HS1BP3: variants seen among roughly 807,000 people sequenced by gnomAD.
The protein encoded by HS1BP3 is HCLS1-binding protein 3.
HS1BP3 carries 32 observed loss-of-function variants against 33.5 expected under a neutral mutation model. That is an observed-to-expected ratio of 0.95 (90% CI 0.72 to 1.28). HS1BP3 has a LOEUF of 1.28. HS1BP3 is among the 50% of genes most tolerant of loss of function. HS1BP3 has a pLI of 0.00. For synonymous variants in HS1BP3, 187 were observed against 209.2 expected (o/e 0.89, Z 0.92); for missense variants, 486 against 502.3 (o/e 0.97, Z 0.31).
At chr2:20,571,268 G>A (rs762194405) in intron 5 of HS1BP3, among the ~76,000 whole-genome samples, 1 of 152,126 alleles carries the variant, frequency 6.6e-6, no homozygotes, top group Non-Finnish European at 1.5e-5. Flanking sequence ...TGCTCCCTCT[G>A]CGTTTTTCCA....
chr2:20,615,875 T>C (rs950158808), downstream of HS1BP3, among the ~76,000 whole-genome samples: 4 of 152,144 alleles, frequency 2.6e-5, no homozygotes, highest in Non-Finnish European at 5.9e-5. Context: ...GTGAACTTAG[T>C]CCCAGATACA....
Position 20,618,944 on chromosome 2 carries a change from C to T in HS1BP3, c.*43G>A. 6.3e-7 allele frequency: 1 copy of T among 1,589,338 alleles called. No homozygotes were observed. On this transcript the variant is annotated 3_prime_UTR_variant, in exon 7 of 7. Coordinates refer to ENST00000304031, the MANE Select transcript of HS1BP3 (RefSeq NM_022460.4). ...CAGTCCCTTCCCTTCACACCGATGTCCCCACAGACAGGCCTGCTGGGCCAG... is the reference window on the plus strand; with the variant it reads ...CAGTCCCTTCCCTTCACACCGATGTTCCCACAGACAGGCCTGCTGGGCCAG...
At position 20,619,120 on chromosome 2, in the gene HS1BP3, T is replaced by A. The variant is rs758110778; in HGVS notation, c.1046A>T (p.Lys349Ile). Residue 349 changes from lysine (K) to isoleucine (I), a missense_variant, in exon 7 of 7, where the codon AAA (lysine) becomes ATA (isoleucine). Transcript: ENST00000304031. The part of the protein sequence containing the change: ...VIPRKPAVPP[K>I]AGPAEAVAGQ... ...AGCCACAGCTTCAGCCGGGCCCGCT[T>A]TGGGGGGAACAGCTGGTTTTCTGGG... is the stretch of plus-strand genomic sequence containing the variant. 7 of 1,614,130 alleles carry A rather than the reference T, an allele frequency of 4.3e-6. No individual in the cohort carries two copies. The highest frequency in any genetic ancestry group is 5.9e-6 in the Non-Finnish European group (7 of 1,179,988).
At chr2:20,564,210 C>T (rs1433844172) in intron 5 of HS1BP3, among the ~76,000 whole-genome samples, 2 of 152,206 alleles carry the variant, frequency 1.3e-5, no homozygotes, top group Admixed American at 6.5e-5. Context: ...GTCTCTCTAA[C>T]AGGTGCTTTT....
At chr2:20,634,033 C>T (rs752897012) in intron 4 of HS1BP3, among the ~76,000 whole-genome samples, 13 of 152,312 alleles carry the variant, frequency 8.5e-5, no homozygotes, top group African/African-American at 3.1e-4. Context: ...CATCCTGGCT[C>T]GTGGCCCCCA....
At chr2:20,599,651 CTG>C (rs1491135433) in intron 2 of HS1BP3, among the ~76,000 whole-genome samples, 1 of 142,814 alleles carries the variant, frequency 7.0e-6, no homozygotes, top group South Asian at 2.2e-4. Flanking sequence ...CACACACACT[CTG>C]TTTTTTTTTT....
At chr2:20,565,502 C>G (rs769941327) in intron 5 of HS1BP3, among the ~76,000 whole-genome samples, 35 of 152,224 alleles carry the variant, frequency 2.3e-4, no homozygotes, top group Non-Finnish European at 4.0e-4. Context: ...TACCCTGACC[C>G]AGGGATACCC....
At chr2:20,642,445 C>T (rs1695383405) in intron 2 of HS1BP3, among the ~76,000 whole-genome samples, 1 of 152,230 alleles carries the variant, frequency 6.6e-6, no homozygotes, top group Non-Finnish European at 1.5e-5. Flanking sequence ...TGGCTCCAGA[C>T]TTTCCTGAAA....
downstream of HS1BP3, among the ~76,000 whole-genome samples, chr2:20,590,621 C>T (rs1318671050): frequency 6.6e-6 from 1 of 152,246 alleles, no homozygotes; most frequent in African/African-American, 2.4e-5. Context: ...CTCTCATAGG[C>T]AGAGCTGGAC....
intron 6 of HS1BP3, among the ~76,000 whole-genome samples, chr2:20,621,594 A>G (rs6721558): frequency 0.76 from 116,221 of 152,212 alleles, 44,828 homozygotes; most frequent in East Asian, 0.86. Flanking sequence ...GGCATGATGC[A>G]GCCTCCATTG....
intron 1 of HS1BP3, among the ~76,000 whole-genome samples, chr2:20,648,786 C>T (rs1195291295): frequency 6.6e-6 from 1 of 152,196 alleles, no homozygotes; most frequent in Non-Finnish European, 1.5e-5. Context: ...GGGCTGTCAA[C>T]GAGCTTCTCA....
At chr2:20,643,274 G>A (rs999374195) in intron 2 of HS1BP3, among the ~76,000 whole-genome samples, 7 of 152,248 alleles carry the variant, frequency 4.6e-5, no homozygotes, top group Non-Finnish European at 8.8e-5. Context: ...ACACCCTCAT[G>A]TACACCTTGC....
rs562760572 is a variant in HS1BP3 at position 20,611,925 on chromosome 2, C to T, written c.178+11971G>A. Among the ~76,000 whole-genome samples, 3 of 152,292 alleles carry T rather than the reference C, an allele frequency of 2.0e-5. No individual in the cohort carries two copies. The highest frequency in any genetic ancestry group is 1.9e-4 in the East Asian group (1 of 5,180). ...AGCAAGCCATCAGCACCCCTTTCCA[C>T]GAAGATGTCTGGTGTTCACTCTCAG... On this transcript the variant is annotated intron_variant, in intron 2 of 3. Coordinates refer to the HS1BP3 transcript ENST00000415264. This position sits in a 1 kb window ranked among gnomAD's most constrained non-coding sequence, Gnocchi z 4.9.
At chr2:20,583,675 C>T (rs557589309) in intron 5 of HS1BP3, among the ~76,000 whole-genome samples, 46 of 152,320 alleles carry the variant, frequency 3.0e-4, no homozygotes, top group African/African-American at 9.9e-4. Context: ...GTGGGAGGAC[C>T]TGGGCTCTCC....
intron 3 of HS1BP3, chr2:20,592,816 A>C (rs905778454): frequency 6.6e-6 from 1 of 152,288 alleles, no homozygotes; most frequent in Middle Eastern, 3.2e-3. Context: ...TTTAAGGCCC[A>C]CCTGGATAAC....
downstream of HS1BP3, chr2:20,591,017 A>G (rs1474611216): frequency 6.0e-6 from 1 of 167,166 alleles, no homozygotes; most frequent in East Asian, 1.9e-4. Context: ...CTGTGGCAGG[A>G]GCGCCGATGA....
chr2:20,626,043 A>G (rs559215617), intron 4 of HS1BP3, among the ~76,000 whole-genome samples: 1 of 152,314 alleles, frequency 6.6e-6, no homozygotes, highest in Admixed American at 6.5e-5. Flanking sequence ...GGGCAGTTCC[A>G]CTGGACTGAG....
At chr2:20,573,449 C>A (rs901044654) in intron 5 of HS1BP3, among the ~76,000 whole-genome samples, 1 of 152,214 alleles carries the variant, frequency 6.6e-6, no homozygotes, top group Non-Finnish European at 1.5e-5. Context: ...GGGAGACCCC[C>A]CAAGCCCCTA....
intron 5 of HS1BP3, among the ~76,000 whole-genome samples, chr2:20,562,731 T>G (rs1476118201): frequency 6.6e-6 from 1 of 152,106 alleles, no homozygotes; most frequent in East Asian, 1.9e-4. Context: ...TCCAGGGGGA[T>G]AGTGTCAGAA....
Sources: gnomAD v4.1 joint callset for allele counts (sites outside exome capture counted in the v4.1 genomes callset) on GRCh38, gnomAD v4.1.1 for gene constraint, Gnocchi (gnomAD v3.1) non-coding constraint, MANE v1.5 for transcripts, NCBI Gene and HGNC (gene_info 2026-07-23, HGNC 2026-07-21) for gene names.